DOCK5: variants seen among roughly 807,000 people sequenced by gnomAD.
The protein encoded by DOCK5 is dedicator of cytokinesis protein 5.
DOCK5 carries 142 observed loss-of-function variants against 251.8 expected under a neutral mutation model. The observed-to-expected ratio is 0.56, with a 90% CI of 0.49 to 0.65. The LOEUF (loss-of-function observed/expected upper bound fraction) is 0.65. DOCK5 is among the 30% of genes least tolerant of loss of function. The pLI, the probability that DOCK5 is intolerant of heterozygous loss-of-function variation, is 0.00. For missense variants in DOCK5, 2,111 were observed against 2,312.3 expected, an observed-to-expected ratio of 0.91 and a Z score of 1.79; for synonymous variants, 842 against 835.5, an observed-to-expected ratio of 1.01 and a Z score of -0.13.
Position 25,377,313 on chromosome 8 carries a change from C to G in DOCK5, c.3825C>G (p.Asp1275Glu). The change falls in exon 38 of 52, where the codon GAC (aspartate) becomes GAG (glutamate). Residue 1275 changes from aspartate (D) to glutamate (E), a missense_variant. By Grantham distance (45) the Asp-to-Glu change is conservative. Coordinates refer to ENST00000276440, the MANE Select transcript of DOCK5 (RefSeq NM_024940.8). ...LLHAELLQWSDKPCVPHLLQK... is the reference protein window; with the variant it reads ...LLHAELLQWSEKPCVPHLLQK... ...CTTTTCTTCCTTTTCAGTGGTCTGA[C>G]AAGCCCTGTGTGCCTCATTTGCTTC... 9.3e-6 allele frequency: 15 copies of G among 1,612,526 alleles called. No individual in the cohort carries two copies. The highest frequency in any genetic ancestry group is 1.3e-5 in the Non-Finnish European group (15 of 1,179,170).
chr8:25,239,335 G>A (rs1359546790), intron 1 of DOCK5, among the ~76,000 whole-genome samples: 3 of 122,974 alleles, frequency 2.4e-5, no homozygotes, highest in African/African-American at 9.9e-5. Context: ...GTGTGTGTGT[G>A]TGTGTATGTG....
At chr8:25,276,120 G>A (rs1804038997) in intron 4 of DOCK5, among the ~76,000 whole-genome samples, 1 of 152,134 alleles carries the variant, frequency 6.6e-6, no homozygotes, top group Admixed American at 6.5e-5. Context: ...GATAAGATCT[G>A]AGAAGCCCCC....
intron 2 of DOCK5, among the ~76,000 whole-genome samples, chr8:25,261,797 G>C (rs1586274833): frequency 6.6e-6 from 1 of 152,210 alleles, no homozygotes; most frequent in Non-Finnish European, 1.5e-5. Context: ...CCACCGATCT[G>C]GTTTAGATCA....
intron 1 of DOCK5, among the ~76,000 whole-genome samples, chr8:25,237,144 A>G (rs942613505): frequency 6.6e-6 from 1 of 152,128 alleles, no homozygotes; most frequent in African/African-American, 2.4e-5. Flanking sequence ...AGGTGGGTGG[A>G]TCACATGAGC....
At chr8:25,330,779 G>T (rs545077327) in intron 18 of DOCK5, among the ~76,000 whole-genome samples, 1 of 151,522 alleles carries the variant, frequency 6.6e-6, no homozygotes, top group Non-Finnish European at 1.5e-5. Flanking sequence ...AATATCAGCC[G>T]GGCGCAGTGG....
At chr8:25,350,728 C>G (rs1373637365) in intron 26 of DOCK5, among the ~76,000 whole-genome samples, 1 of 152,178 alleles carries the variant, frequency 6.6e-6, no homozygotes, top group Non-Finnish European at 1.5e-5. Context: ...TACCTTCTTG[C>G]TGTGTGCTCA....
At position 25,278,574 on chromosome 8, in the gene DOCK5, A is replaced by G; in HGVS notation, c.230A>G (p.His77Arg). 1 of 1,613,978 alleles carries G rather than the reference A, an allele frequency of 6.2e-7. No individual in the cohort carries two copies. The highest frequency in any genetic ancestry group is 8.5e-7 in the Non-Finnish European group (1 of 1,179,866). Reference protein sequence around the residue: ...KEATVEDLGQHETVIPGELPL... With the variant: ...KEATVEDLGQRETVIPGELPL... The stretch of plus-strand genomic sequence containing the variant: ...CCTCGTTTGGTTCTTTGTAGGCAGC[A>G]TGAAACCGTGATTCCTGGCGAGCTC... Residue 77 changes from histidine (H) to arginine (R), a missense_variant, in exon 5 of 52, where the codon CAT becomes CGT. This residue lies in a region of DOCK5 where 335 missense variants were observed against 324.9 expected (regional missense o/e 1.03). Coordinates refer to ENST00000276440, the MANE Select transcript of DOCK5 (RefSeq NM_024940.8).
At chr8:25,194,765 A>G (rs1395820059) in intron 1 of DOCK5, among the ~76,000 whole-genome samples, 1 of 152,166 alleles carries the variant, frequency 6.6e-6, no homozygotes, top group African/African-American at 2.4e-5. Context: ...CTGTCTGTCC[A>G]GTGGCCCAGG....
At chr8:25,322,384 G>A (rs1805447671) in intron 16 of DOCK5, among the ~76,000 whole-genome samples, 1 of 152,246 alleles carries the variant, frequency 6.6e-6, no homozygotes, top group African/African-American at 2.4e-5. Context: ...ACTTGAAGGT[G>A]AGTAGAAATT....
intron 48 of DOCK5, among the ~76,000 whole-genome samples, chr8:25,404,465 C>T (rs1801491404): frequency 6.6e-6 from 1 of 152,076 alleles, no homozygotes; most frequent in African/African-American, 2.4e-5. Flanking sequence ...TGCGTTATAC[C>T]TGTTCAGCAT....
chr8:25,334,281 C>G, intron 21 of DOCK5, 85 bp downstream of exon 21: 2 of 1,110,818 alleles, frequency 1.8e-6, no homozygotes, highest in Non-Finnish European at 2.7e-6. Context: ...CGAGACGGAC[C>G]TATTACTATT....
intron 30 of DOCK5, among the ~76,000 whole-genome samples, chr8:25,366,218 C>T (rs1396751611): frequency 8.5e-5 from 13 of 152,120 alleles, no homozygotes; most frequent in Non-Finnish European, 1.3e-4. Flanking sequence ...TGGCTGGGCA[C>T]GGTGGCTCAC....
intron 40 of DOCK5, among the ~76,000 whole-genome samples, chr8:25,384,696 T>A (rs1316626107): frequency 6.6e-6 from 1 of 151,770 alleles, no homozygotes; most frequent in Admixed American, 6.6e-5. Flanking sequence ...CTGACCTCAG[T>A]TGATCCCCCT....
chr8:25,364,621 C>T lies in DOCK5; in HGVS notation c.3045-5C>T, dbSNP rs374133414. The T allele has an allele frequency of 2.0e-5, 32 of 1,592,634 alleles. No individual in the cohort carries two copies. Among genetic ancestry groups the T allele is most frequent in the Middle Eastern group, 1.7e-4 (1 of 6,030 alleles). On this transcript the variant is annotated splice_region_variant and splice_polypyrimidine_tract_variant and intron_variant, in intron 29 of 51. Transcript: ENST00000276440. Reference sequence around the variant, plus strand: ...GCTTCTTTATCTGGTGTTTTCCTTCCGCAGGGTTTTTCTCCGTGCTATAAA... The same window carrying T: ...GCTTCTTTATCTGGTGTTTTCCTTCTGCAGGGTTTTTCTCCGTGCTATAAA...
chr8:25,326,254 C>T (rs2709603), intron 18 of DOCK5, among the ~76,000 whole-genome samples: 132,908 of 152,150 alleles, frequency 0.87, 58,292 homozygotes, highest in Middle Eastern at 0.95. Flanking sequence ...TCCCATATGC[C>T]GTGTAGAGAC....
chr8:25,360,684 A>G (rs1800661964), intron 28 of DOCK5, among the ~76,000 whole-genome samples: 2 of 152,212 alleles, frequency 1.3e-5, no homozygotes, highest in South Asian at 2.1e-4. Flanking sequence ...AGCTTCGTGC[A>G]GGTAGGCATG....
At chr8:25,303,853 C>G (rs555085741) in intron 10 of DOCK5, among the ~76,000 whole-genome samples, 4 of 152,274 alleles carry the variant, frequency 2.6e-5, no homozygotes, top group African/African-American at 9.6e-5. Context: ...GTAGTCCCAG[C>G]TACTTGGGAG....
At chr8:25,247,496 C>T (rs992232379) in intron 2 of DOCK5, among the ~76,000 whole-genome samples, 2 of 151,944 alleles carry the variant, frequency 1.3e-5, no homozygotes, top group African/African-American at 4.8e-5. Context: ...ACTTGGGAGG[C>T]TAAGGTGGGA....
intron 1 of DOCK5, among the ~76,000 whole-genome samples, chr8:25,235,114 T>C (rs903053614): frequency 1.3e-5 from 2 of 152,170 alleles, no homozygotes; most frequent in African/African-American, 4.8e-5. Context: ...ATTCTCCTTT[T>C]TGGGCCTCAC....
Sources: allele counts gnomAD v4.1 joint callset (sites outside exome capture counted in the v4.1 genomes callset), GRCh38; gene constraint gnomAD v4.1.1; regional missense constraint gnomAD v4.1.1; transcripts MANE v1.5; gene names NCBI Gene and HGNC (gene_info 2026-07-23, HGNC 2026-07-21).